The following PCDH11X variants were observed in gnomAD, a reference collection of about 807,000 sequenced individuals.
The protein encoded by PCDH11X is protocadherin 11 X-linked, also known as protocadherin-11 X-linked.
PCDH11X carries 18 observed loss-of-function variants against 53.3 expected under a neutral mutation model. The observed-to-expected ratio is 0.34, with a 90% CI of 0.23 to 0.50. The LOEUF is 0.50. Among genes scored for constraint, PCDH11X ranks in the 20% least tolerant of loss-of-function variants. The probability of loss-of-function intolerance (pLI) is 0.98; values close to 1 mark genes in which losing one functional copy is unlikely to be tolerated. For synonymous variants in PCDH11X, 279 were observed against 393.3 expected, an observed-to-expected ratio of 0.71 and a Z score of 3.44; for missense variants, 570 against 1,032.4, an observed-to-expected ratio of 0.55 and a Z score of 6.14.
chrX:92,322,324 A>G (rs1306823542), intron 8 of PCDH11X, among the ~76,000 whole-genome samples: 1 of 111,100 alleles, frequency 9.0e-6, no homozygotes, highest in Non-Finnish European at 1.9e-5. Context: ...CCAAAACAAA[A>G]TTAACTGATA....
At chrX:92,401,884 T>C (rs1229695106) in intron 9 of PCDH11X, among the ~76,000 whole-genome samples, 1 of 112,382 alleles carries the variant, frequency 8.9e-6, no homozygotes, top group Non-Finnish European at 1.9e-5. Context: ...ACGTTTTTAC[T>C]TTAAGCAAAT....
At chrX:91,825,784 G>C (rs1446234051) in intron 4 of PCDH11X, among the ~76,000 whole-genome samples, 1 of 107,000 alleles carries the variant, frequency 9.3e-6, no homozygotes, top group Non-Finnish European at 1.9e-5. Flanking sequence ...TCTTAAAATT[G>C]TTGGTATATA....
At chrX:91,966,152 A>ATTT (rs202233727) in intron 6 of PCDH11X, among the ~76,000 whole-genome samples, 27 of 102,140 alleles carry the variant, frequency 2.6e-4, no homozygotes, top group African/African-American at 9.0e-4. Context: ...CAGTTCTTTG[A>ATTT]TTTTTTTTTT....
intron 6 of PCDH11X, among the ~76,000 whole-genome samples, chrX:92,120,287 G>A (rs1267608739): frequency 2.8e-5 from 3 of 107,662 alleles, no homozygotes; most frequent in African/African-American, 6.8e-5. Context: ...AGCCTCCCCA[G>A]TATCTGGGAT....
chrX:91,954,981 G>T (rs200325043), intron 6 of PCDH11X, among the ~76,000 whole-genome samples: 8,293 of 107,503 alleles, frequency 0.077, 529 homozygotes, highest in African/African-American at 0.16. Context: ...GTCAATTTTT[G>T]CTATTGTAGC....
At chrX:92,338,357 G>A (rs2069670501) in intron 8 of PCDH11X, among the ~76,000 whole-genome samples, 1 of 111,507 alleles carries the variant, frequency 9.0e-6, no homozygotes. Flanking sequence ...TGCAGACTTC[G>A]CAGCTGTGGA....
chrX:92,232,937 C>T (rs775628391), intron 7 of PCDH11X, among the ~76,000 whole-genome samples: 10 of 111,263 alleles, frequency 9.0e-5, no homozygotes, highest in South Asian at 3.8e-4. Flanking sequence ...GGATGGTCTC[C>T]ATCTCCCGAC....
At chrX:91,849,868 A>G (rs1426358949) in intron 5 of PCDH11X, among the ~76,000 whole-genome samples, 1 of 99,716 alleles carries the variant, frequency 1.0e-5, no homozygotes, top group African/African-American at 3.6e-5. Flanking sequence ...TCAGAAGTTA[A>G]TAATCAAATT....
At chrX:91,997,053 A>G (rs2062432798) in intron 6 of PCDH11X, among the ~76,000 whole-genome samples, 1 of 103,239 alleles carries the variant, frequency 9.7e-6, no homozygotes, top group Non-Finnish European at 2.0e-5. Context: ...TAAATTCGCA[A>G]CTGGTATTTT....
At chrX:92,038,009 G>A (rs2063154213) in intron 6 of PCDH11X, among the ~76,000 whole-genome samples, 1 of 108,456 alleles carries the variant, frequency 9.2e-6, no homozygotes, top group South Asian at 4.0e-4. Flanking sequence ...TAGGTTGCCT[G>A]GTGGAAGAAA....
At chrX:92,430,503 GTTC>G (rs2072227689) in intron 9 of PCDH11X, among the ~76,000 whole-genome samples, 1 of 92,031 alleles carries the variant, frequency 1.1e-5, no homozygotes, top group Admixed American at 1.1e-4. Context: ...CAGGTAATTT[GTTC>G]TTTTCAGTGG....
At position 92,226,702 on chromosome X, in the gene PCDH11X, G is replaced by T. The variant is rs1203760198; in HGVS notation, c.3114+25247G>T. 2.9e-4 allele frequency among the ~76,000 whole-genome samples: 32 copies of T among 110,682 alleles called. 1 individual carries two copies. In the Admixed American group the frequency reaches 3.0e-3, roughly 10 times the overall value. On this transcript the variant is annotated intron_variant, in intron 7 of 10. Transcript: ENST00000682573. ...GAGAAGAGGGATTATAGTTTCTATG[G>T]GTAGTCTAGCCTCAGGGAGAATGAG...
At chrX:92,421,153 CAT>C (rs2071957074) in intron 9 of PCDH11X, among the ~76,000 whole-genome samples, 1 of 111,453 alleles carries the variant, frequency 9.0e-6, no homozygotes, top group African/African-American at 3.3e-5. Context: ...TTCAGGGGCA[CAT>C]GTTATACAGG....
chrX:92,103,356 G>A (rs1185611185), intron 6 of PCDH11X, among the ~76,000 whole-genome samples: 1 of 111,081 alleles, frequency 9.0e-6, no homozygotes, highest in African/African-American at 3.3e-5. Flanking sequence ...TGGAGGCAAG[G>A]GAAACAGACC....
At chrX:91,900,264 C>T (rs1339089887) in intron 6 of PCDH11X, among the ~76,000 whole-genome samples, 1 of 110,702 alleles carries the variant, frequency 9.0e-6, no homozygotes, top group African/African-American at 3.3e-5. Context: ...GCAATCTTAA[C>T]TTCCAGTTTA....
At chrX:92,122,272 G>C (rs1050488331) in intron 6 of PCDH11X, among the ~76,000 whole-genome samples, 1 of 110,812 alleles carries the variant, frequency 9.0e-6, no homozygotes, top group African/African-American at 3.3e-5. Flanking sequence ...GTGAGTCACT[G>C]TGCCCAGCCG....
At chrX:91,807,302 G>A (rs765840064) in intron 1 of PCDH11X, among the ~76,000 whole-genome samples, 4 of 110,837 alleles carry the variant, frequency 3.6e-5, no homozygotes, top group Non-Finnish European at 7.6e-5. Flanking sequence ...CTATGATCGT[G>A]CCACTGCACT....
chrX:92,290,581 G>A (rs2068470907), intron 8 of PCDH11X, among the ~76,000 whole-genome samples: 1 of 112,282 alleles, frequency 8.9e-6, no homozygotes, highest in South Asian at 3.7e-4. Context: ...AGTGTTTGAA[G>A]AAATTATCCT....
intron 7 of PCDH11X, among the ~76,000 whole-genome samples, chrX:92,216,468 T>A (rs2037548079): frequency 9.7e-6 from 1 of 103,218 alleles, no homozygotes; most frequent in Non-Finnish European, 2.0e-5. Context: ...GAAGATGAAA[T>A]GAATGAAATG....
Sources: gnomAD v4.1 joint callset for allele counts (sites outside exome capture counted in the v4.1 genomes callset) on GRCh38, gnomAD v4.1.1 for gene constraint, MANE v1.5 for transcripts, NCBI Gene and HGNC (gene_info 2026-07-23, HGNC 2026-07-21) for gene names.